Variants in CDH18 observed in about 807,000 individuals in gnomAD.
The protein encoded by CDH18 is cadherin 18.
A neutral mutation model predicts 67.9 loss-of-function variants in CDH18; 31 were observed. The ratio of observed to expected loss-of-function variants is 0.46; its 90% CI spans 0.34 to 0.62. CDH18 has a LOEUF of 0.62. Among genes scored for constraint, CDH18 ranks in the 20% least tolerant of loss-of-function variants. CDH18 has a pLI of 0.01. For missense variants in CDH18, 890 were observed against 975.5 expected, an observed-to-expected ratio of 0.91 and a Z score of 1.17; for synonymous variants, 362 against 347.2, an observed-to-expected ratio of 1.04 and a Z score of -0.48.
rs190479256 is a variant in CDH18, at chr5:20,386,674, C to G, written c.-579-131169G>C. Among the ~76,000 whole-genome samples, 432 of 152,130 alleles carry G rather than the reference C, an allele frequency of 2.8e-3. 2 individuals carry two copies. The highest frequency in any genetic ancestry group is 5.0e-3 in the Non-Finnish European group (342 of 67,982). ...GTAGATAAAACCTACTTCACATAAC[C>G]CATATCTTATATATGATATTCAATT... On this transcript the variant is annotated intron_variant, in intron 1 of 14. Coordinates refer to the CDH18 transcript ENST00000507958.
At chr5:20,436,264 G>T (rs995346451) in intron 1 of CDH18, among the ~76,000 whole-genome samples, 1 of 151,854 alleles carries the variant, frequency 6.6e-6, no homozygotes, top group Non-Finnish European at 1.5e-5. Flanking sequence ...TCCATTGATT[G>T]TTCCATTCTG....
chr5:19,784,215 G>A (rs1393830744), intron 3 of CDH18, among the ~76,000 whole-genome samples: 2 of 152,054 alleles, frequency 1.3e-5, no homozygotes, highest in African/African-American at 2.4e-5. Context: ...AAAATAAGAA[G>A]AGGGAAAAAT....
intron 2 of CDH18, among the ~76,000 whole-genome samples, chr5:19,852,344 G>A (rs1783803314): frequency 6.6e-6 from 1 of 151,980 alleles, no homozygotes. Context: ...ATATCTCCAA[G>A]AGCCTAGCCT....
intron 2 of CDH18, among the ~76,000 whole-genome samples, chr5:20,148,101 C>CT (rs1159953883): frequency 3.8e-5 from 5 of 132,186 alleles, no homozygotes; most frequent in South Asian, 2.4e-4. Flanking sequence ...TTTTTTTTTT[C>CT]TTTTTTTTGA....
chr5:20,259,983 A>T (rs1489818960), intron 1 of CDH18, among the ~76,000 whole-genome samples: 1 of 151,966 alleles, frequency 6.6e-6, no homozygotes, highest in African/African-American at 2.4e-5. Context: ...CAAAAAAAAA[A>T]TTGAGGTGCG....
At chr5:20,498,281 C>T (rs1048777672) in intron 1 of CDH18, among the ~76,000 whole-genome samples, 8 of 152,058 alleles carry the variant, frequency 5.3e-5, no homozygotes, top group Admixed American at 5.3e-4. Flanking sequence ...TGCATATGCA[C>T]ATTTCAAAAT....
intron 5 of CDH18, among the ~76,000 whole-genome samples, chr5:19,695,863 A>C (rs987176974): frequency 2.0e-5 from 3 of 152,214 alleles, no homozygotes; most frequent in Non-Finnish European, 4.4e-5. Context: ...CAAAACTGGA[A>C]TGCAGCCTCA....
chr5:19,961,100 ATT>A (rs564003434), intron 2 of CDH18, among the ~76,000 whole-genome samples: 8,974 of 109,678 alleles, frequency 0.082, 718 homozygotes, highest in African/African-American at 0.24. Flanking sequence ...CTACATTATA[ATT>A]TTTTTTTTTT....
chr5:20,528,152 G>T (rs954165711), intron 1 of CDH18, among the ~76,000 whole-genome samples: 12 of 151,896 alleles, frequency 7.9e-5, no homozygotes, highest in African/African-American at 2.9e-4. Flanking sequence ...CAACAAATTT[G>T]TCAAAAAAGA....
intron 5 of CDH18, among the ~76,000 whole-genome samples, chr5:19,673,501 A>G (rs1759045140): frequency 6.6e-6 from 1 of 152,050 alleles, no homozygotes; most frequent in African/African-American, 2.4e-5. Flanking sequence ...AAAATCTTTA[A>G]AGTAAACTAA....
At chr5:20,191,616 T>C (rs1738546406) in intron 2 of CDH18, among the ~76,000 whole-genome samples, 1 of 152,082 alleles carries the variant, frequency 6.6e-6, no homozygotes, top group African/African-American at 2.4e-5. Context: ...TGTGTTTGGT[T>C]TTCTGTTCAT....
At chr5:20,269,850 C>T in intron 1 of CDH18, among the ~76,000 whole-genome samples, 1 of 152,018 alleles carries the variant, frequency 6.6e-6, no homozygotes, top group East Asian at 1.9e-4. Context: ...CAAAATTGCA[C>T]ATATACCCCC....
At chr5:19,548,938 C>T (rs1048541939) in intron 8 of CDH18, among the ~76,000 whole-genome samples, 20 of 151,862 alleles carry the variant, frequency 1.3e-4, no homozygotes, top group South Asian at 2.1e-4. Context: ...TTGGTAGAGA[C>T]GGGGTTTCAC....
At chr5:20,379,569 A>C (rs1292963007) in intron 1 of CDH18, among the ~76,000 whole-genome samples, 2 of 152,160 alleles carry the variant, frequency 1.3e-5, no homozygotes, top group Non-Finnish European at 2.9e-5. Context: ...TTATATCTAC[A>C]TGAGTAGATA....
chr5:20,453,070 AC>A (rs1422968707), intron 1 of CDH18, among the ~76,000 whole-genome samples: 1 of 152,140 alleles, frequency 6.6e-6, no homozygotes, highest in African/African-American at 2.4e-5. Flanking sequence ...GTATACTTTT[AC>A]TTGTCTTGCC....
intron 2 of CDH18, among the ~76,000 whole-genome samples, chr5:19,840,427 G>A (rs936492094): frequency 6.6e-6 from 1 of 152,108 alleles, no homozygotes; most frequent in African/African-American, 2.4e-5. Context: ...TTTGGGCTGG[G>A]TGCAGTAGCT....
At chr5:19,606,011 C>A (rs76994940) in intron 6 of CDH18, among the ~76,000 whole-genome samples, 1 of 152,000 alleles carries the variant, frequency 6.6e-6, no homozygotes, top group South Asian at 2.1e-4. Flanking sequence ...AAGGCAAAGG[C>A]GCTAGGCAGA....
At chr5:20,471,672 C>G (rs1057330684) in intron 1 of CDH18, among the ~76,000 whole-genome samples, 2 of 151,144 alleles carry the variant, frequency 1.3e-5, no homozygotes, top group African/African-American at 4.9e-5. Context: ...TATGGTGGCA[C>G]ATTCCTGTAA....
intron 5 of CDH18, among the ~76,000 whole-genome samples, chr5:19,624,186 T>C (rs368680006): frequency 2.6e-5 from 4 of 152,008 alleles, no homozygotes; most frequent in East Asian, 1.9e-4. Context: ...TTTGTATTTT[T>C]AGTAGAGACT....
Sources: gnomAD v4.1 joint callset for allele counts (sites outside exome capture counted in the v4.1 genomes callset) on GRCh38, gnomAD v4.1.1 for gene constraint, MANE v1.5 for transcripts, NCBI Gene and HGNC (gene_info 2026-07-23, HGNC 2026-07-21) for gene names.